The following PARD3B variants were observed in gnomAD, a reference collection of about 807,000 sequenced individuals.
The protein encoded by PARD3B is partitioning defective 3 homolog B.
PARD3B carries 103 observed loss-of-function variants against 130.2 expected under a neutral mutation model. That is an observed-to-expected ratio of 0.79 (90% confidence interval 0.67 to 0.93). The LOEUF is 0.93. PARD3B is among the 40% of genes least tolerant of loss of function. The pLI is 0.00. For missense variants in PARD3B, 1,609 were observed against 1,499.2 expected, an observed-to-expected ratio of 1.07 and a Z score of -1.21; for synonymous variants, 583 against 553.2, an observed-to-expected ratio of 1.05 and a Z score of -0.76.
intron 1 of PARD3B, among the ~76,000 whole-genome samples, chr2:204,663,216 C>T (rs1238647573): frequency 6.6e-6 from 1 of 152,192 alleles, no homozygotes; most frequent in Admixed American, 6.5e-5. Flanking sequence ...TACCTGCTGT[C>T]TTGCCCATTG....
At chr2:205,511,312 AG>A (rs2050580520) in intron 21 of PARD3B, among the ~76,000 whole-genome samples, 1 of 152,210 alleles carries the variant, frequency 6.6e-6, no homozygotes, top group Admixed American at 6.5e-5. Flanking sequence ...GAGCAGAAAA[AG>A]GAAGTTCAGG....
chr2:205,158,708 T>G lies in PARD3B; in HGVS notation c.1435-14T>G, dbSNP rs1439704925. ...TTCTTCTCTTCACTCTTTTCATGTGTATTCCCCTAACAGAAAGGAGAACCT... is the reference window on the plus strand; with the variant it reads ...TTCTTCTCTTCACTCTTTTCATGTGGATTCCCCTAACAGAAAGGAGAACCT... On this transcript the variant is annotated splice_polypyrimidine_tract_variant and intron_variant, in intron 10 of 22. Coordinates refer to ENST00000406610, the MANE Select transcript of PARD3B (RefSeq NM_001302769.2). The surrounding 1 kb of genome is among the most constrained non-coding windows in gnomAD (Gnocchi z 5.4). 3.7e-6 allele frequency: 6 copies of G among 1,600,952 alleles called. No homozygotes were observed. Among genetic ancestry groups the G allele is most frequent in the African/African-American group, 1.3e-5 (1 of 74,136 alleles).
chr2:204,965,133 T>G lies in PARD3B; in HGVS notation c.223-19T>G. The G allele has an allele frequency of 1.2e-6, 2 of 1,609,798 alleles. No homozygotes were observed. Among genetic ancestry groups the G allele is most frequent in the Non-Finnish European group, 1.7e-6 (2 of 1,177,174 alleles). On this transcript the variant is annotated intron_variant, in intron 2 of 22. Coordinates refer to ENST00000406610, the MANE Select transcript of PARD3B (RefSeq NM_001302769.2). ...TGCATGTCCTACAAAGTAATTAGTG[T>G]TGTTGGATTTGTTTGTAGCTGATTG...
At chr2:205,155,228 G>A (rs1398428581) in intron 10 of PARD3B, among the ~76,000 whole-genome samples, 1 of 152,156 alleles carries the variant, frequency 6.6e-6, no homozygotes, top group Non-Finnish European at 1.5e-5. Context: ...AGGAGGGACA[G>A]TTTCAGAATA....
intron 2 of PARD3B, 89 bp from the exon 3 acceptor site, chr2:204,965,063 C>A: frequency 1.5e-6 from 2 of 1,311,398 alleles, no homozygotes; most frequent in Non-Finnish European, 2.1e-6. Flanking sequence ...ATTTTCTTTG[C>A]AACCAAATAA....
intron 18 of PARD3B, among the ~76,000 whole-genome samples, chr2:205,381,241 A>G (rs913426736): frequency 8.0e-6 from 1 of 124,588 alleles, no homozygotes; most frequent in African/African-American, 3.3e-5. Context: ...TATATATAAA[A>G]AGAATATATG....
chr2:204,863,183 T>A (rs904465442), intron 2 of PARD3B, among the ~76,000 whole-genome samples: 1 of 152,218 alleles, frequency 6.6e-6, no homozygotes, highest in Non-Finnish European at 1.5e-5. Context: ...CCCACTGTGA[T>A]AAAGTCTTTG....
In PARD3B at chr2:204,878,291, A is replaced by G. The variant is rs190214382; in HGVS notation, c.223-86861A>G. On this transcript the variant is annotated intron_variant, in intron 2 of 22. Coordinates refer to ENST00000406610, the MANE Select transcript of PARD3B (RefSeq NM_001302769.2). Reference sequence around the variant, plus strand: ...TTTATAGGAGGTGACAATGATCTTAAGCAAAGCAGTAAAACCGGGTGTATA... The same window carrying G: ...TTTATAGGAGGTGACAATGATCTTAGGCAAAGCAGTAAAACCGGGTGTATA... 1.1e-4 allele frequency among the ~76,000 whole-genome samples: 16 copies of G among 152,340 alleles called. No individual in the cohort carries two copies. The East Asian group carries it at 2.7e-3, about 26-fold the overall frequency.
chr2:204,949,895 T>A (rs915884434), intron 2 of PARD3B, among the ~76,000 whole-genome samples: 1 of 152,186 alleles, frequency 6.6e-6, no homozygotes, highest in Non-Finnish European at 1.5e-5. Flanking sequence ...CATAGTATGA[T>A]AAATTTATTC....
Position 205,618,404 on chromosome 2 carries a change from G to C in PARD3B, c.*2591G>C, listed in dbSNP as rs924356777. 6.6e-6 allele frequency: 1 copy of C among 152,162 alleles called. No individual in the cohort carries two copies. The highest frequency in any genetic ancestry group is 2.4e-5 in the African/African-American group (1 of 41,430). 9.4% of individuals were successfully genotyped at this position (152,162 alleles called of 1,614,324 possible). ...CAGGACTCTTTCCCAGCATTTAGGG[G>C]AACAGGCTTTTAGAGTATTTAGAAG... On this transcript the variant is annotated 3_prime_UTR_variant, in exon 23 of 23. Transcript: ENST00000406610.
Position 205,301,594 on chromosome 2 carries a change from G to A in PARD3B, c.2523G>A (p.Glu841=), listed in dbSNP as rs754106436. The part of the protein sequence containing the change: ...ARKVKKTKEK[E]KKKEKGKLKV... ...AAGTCAAAAAAACGAAAGAGAAGGA[G>A]AAGAAAAAGGAAAAGGGCAAATTGA... is the stretch of plus-strand genomic sequence containing the variant. Residue 841 remains glutamate, a synonymous_variant, in exon 18 of 23, where the codon GAG becomes GAA. Transcript: ENST00000406610. The surrounding 1 kb of genome is among the most constrained non-coding windows in gnomAD (Gnocchi z 5.2). The A allele has an allele frequency of 9.3e-6, 15 of 1,613,734 alleles. No homozygotes were observed. In the South Asian group the frequency reaches 1.2e-4, roughly 13 times the overall value.
intron 20 of PARD3B, among the ~76,000 whole-genome samples, chr2:205,492,176 T>G (rs897425732): frequency 6.6e-6 from 1 of 152,208 alleles, no homozygotes; most frequent in African/African-American, 2.4e-5. Flanking sequence ...CATTAAATAC[T>G]CTCTTAAGAT....
At chr2:204,648,641 A>AATATATATAATATAT (rs2035361478) in intron 1 of PARD3B, among the ~76,000 whole-genome samples, 2 of 118,198 alleles carry the variant, frequency 1.7e-5, no homozygotes, top group African/African-American at 6.6e-5. Flanking sequence ...TATAATATAT[A>AATATATATAATATAT]TTATATATAT....
chr2:205,080,013 G>A (rs940489064), intron 4 of PARD3B, among the ~76,000 whole-genome samples: 3 of 152,156 alleles, frequency 2.0e-5, no homozygotes, highest in Non-Finnish European at 2.9e-5. Flanking sequence ...TTTTATCTGT[G>A]TACATTTAAA....
At chr2:204,764,348 T>C (rs1250151660) in intron 2 of PARD3B, among the ~76,000 whole-genome samples, 1 of 152,178 alleles carries the variant, frequency 6.6e-6, no homozygotes, top group Non-Finnish European at 1.5e-5. Context: ...GAATTTTCCA[T>C]TGTGAGCATG....
chr2:205,170,561 C>CCAGCAGG (rs376323141), intron 11 of PARD3B, among the ~76,000 whole-genome samples: 165 of 152,280 alleles, frequency 1.1e-3, no homozygotes, highest in African/African-American at 3.4e-3. Flanking sequence ...AACACCCTCT[C>CCAGCAGG]CAGCAGGCGG....
chr2:205,392,412 G>C (rs1387777779), intron 18 of PARD3B, among the ~76,000 whole-genome samples: 1 of 152,134 alleles, frequency 6.6e-6, no homozygotes, highest in Non-Finnish European at 1.5e-5. Context: ...GGATAAAAAA[G>C]GTTGGCCTTA....
At chr2:204,593,659 G>A (rs940057155) in intron 1 of PARD3B, among the ~76,000 whole-genome samples, 1 of 152,134 alleles carries the variant, frequency 6.6e-6, no homozygotes, top group Admixed American at 6.6e-5. Context: ...TAAATACTGG[G>A]TAGAACAGGG....
intron 18 of PARD3B, among the ~76,000 whole-genome samples, chr2:205,327,206 T>A (rs11677715): frequency 0.028 from 4,234 of 152,298 alleles, 77 homozygotes; most frequent in Middle Eastern, 0.058. Context: ...CATTTCTCCC[T>A]GAAACTTTGA....
Sources: gnomAD v4.1 joint callset for allele counts (sites outside exome capture counted in the v4.1 genomes callset) on GRCh38, gnomAD v4.1.1 for gene constraint, Gnocchi (gnomAD v3.1) non-coding constraint, MANE v1.5 for transcripts, NCBI Gene and HGNC (gene_info 2026-07-23, HGNC 2026-07-21) for gene names.